The following CCSER1 variants were observed in gnomAD, a reference collection of about 807,000 sequenced individuals.
CCSER1 encodes serine-rich coiled-coil domain-containing protein 1.
In CCSER1, 41 loss-of-function variants were observed where a neutral mutation model predicts 82.0. The ratio of observed to expected loss-of-function variants is 0.50; its 90% confidence interval spans 0.39 to 0.65. The LOEUF (loss-of-function observed/expected upper bound fraction) is 0.65. Among genes scored for constraint, CCSER1 ranks in the 30% least tolerant of loss-of-function variants. The probability of loss-of-function intolerance (pLI) is 0.00; values close to 1 mark genes in which losing one functional copy is unlikely to be tolerated. For synonymous variants in CCSER1, 414 were observed against 383.9 expected (o/e 1.08, Z -0.92); for missense variants, 1,119 against 1,064.2 (o/e 1.05, Z -0.72).
At chr4:91,484,307 C>T (rs1447601136) in intron 10 of CCSER1, among the ~76,000 whole-genome samples, 1 of 152,146 alleles carries the variant, frequency 6.6e-6, no homozygotes, top group Non-Finnish European at 1.5e-5. Flanking sequence ...CACTTCTTTA[C>T]ATATTCCATG....
At chr4:90,990,152 A>G (rs529467152) in intron 9 of CCSER1, among the ~76,000 whole-genome samples, 35 of 152,034 alleles carry the variant, frequency 2.3e-4, no homozygotes, top group African/African-American at 8.2e-4. Context: ...GCAACTCTCA[A>G]CAATATAGTT....
At chr4:91,246,350 A>T (rs1308186670) in intron 10 of CCSER1, among the ~76,000 whole-genome samples, 1 of 152,204 alleles carries the variant, frequency 6.6e-6, no homozygotes, top group Non-Finnish European at 1.5e-5. Flanking sequence ...TTAGCCTCAA[A>T]TTGAGAAACG....
intron 6 of CCSER1, among the ~76,000 whole-genome samples, chr4:90,692,359 A>G (rs940040977): frequency 2.0e-5 from 3 of 151,912 alleles, no homozygotes; most frequent in Non-Finnish European, 2.9e-5. Context: ...AATTTTTGGC[A>G]TCTGCTTTAA....
At chr4:90,926,314 C>T (rs1561374511) in intron 9 of CCSER1, among the ~76,000 whole-genome samples, 1 of 151,888 alleles carries the variant, frequency 6.6e-6, no homozygotes, top group Non-Finnish European at 1.5e-5. Flanking sequence ...GTTTCTTATA[C>T]TCTTTTGTTT....
chr4:91,362,874 C>A (rs1017773726), intron 10 of CCSER1, among the ~76,000 whole-genome samples: 5 of 151,704 alleles, frequency 3.3e-5, no homozygotes, highest in Non-Finnish European at 7.4e-5. Flanking sequence ...TCTGCTCTAC[C>A]TCTTACTATT....
rs544575985 is a variant in CCSER1, at chr4:90,872,996, C to T, written c.2095-50374C>T. Among the ~76,000 whole-genome samples, 11 of 151,878 alleles carry T rather than the reference C, an allele frequency of 7.2e-5. No homozygotes were observed. In the East Asian group the frequency reaches 1.9e-3, roughly 27 times the overall value. On this transcript the variant is annotated intron_variant, in intron 8 of 10. Transcript: ENST00000509176. ...TTCTTTTCCCTTGCTGCTTTTAGGA[C>T]CTCTTTTAAAAAAATACTTGATTTG...
At chr4:90,263,532 A>G (rs966275634) in intron 1 of CCSER1, among the ~76,000 whole-genome samples, 1 of 152,150 alleles carries the variant, frequency 6.6e-6, no homozygotes, top group Non-Finnish European at 1.5e-5. Context: ...CCTCTGGTTA[A>G]CCAGAGTACT....
intron 10 of CCSER1, among the ~76,000 whole-genome samples, chr4:91,231,867 T>C (rs1241495972): frequency 1.3e-5 from 2 of 151,870 alleles, no homozygotes; most frequent in Admixed American, 6.6e-5. Flanking sequence ...GGTACTGAAC[T>C]GGACTTTATG....
intron 10 of CCSER1, among the ~76,000 whole-genome samples, chr4:91,282,911 AAAT>A (rs1164857933): frequency 2.6e-5 from 4 of 152,122 alleles, no homozygotes. Context: ...GCAAAAATGG[AAAT>A]AATAATAAAA....
chr4:90,272,472 A>G (rs982366983), intron 1 of CCSER1, among the ~76,000 whole-genome samples: 2 of 152,168 alleles, frequency 1.3e-5, no homozygotes, highest in African/African-American at 2.4e-5. Context: ...ATGTAAATTA[A>G]TACAACCACT....
intron 6 of CCSER1, among the ~76,000 whole-genome samples, chr4:90,715,956 C>T (rs1389839765): frequency 6.6e-6 from 1 of 151,430 alleles, no homozygotes; most frequent in East Asian, 1.9e-4. Context: ...TTATAATATA[C>T]CCATAAAATG....
chr4:90,839,146 C>G, intron 8 of CCSER1: 1 of 819,690 alleles, frequency 1.2e-6, no homozygotes, highest in African/African-American at 1.7e-5. Context: ...GTTTGCATTT[C>G]TTCTATATTG....
intron 6 of CCSER1, among the ~76,000 whole-genome samples, chr4:90,657,760 T>C (rs1729976246): frequency 6.6e-6 from 1 of 152,230 alleles, no homozygotes. Context: ...CATCTTGTCA[T>C]GTAATTTCTT....
At chr4:90,757,950 T>C (rs1304189867) in intron 7 of CCSER1, among the ~76,000 whole-genome samples, 7 of 140,542 alleles carry the variant, frequency 5.0e-5, no homozygotes, top group South Asian at 2.3e-4. Flanking sequence ...TTTTTTTTTT[T>C]CTTTTGAGAT....
intron 10 of CCSER1, among the ~76,000 whole-genome samples, chr4:91,187,360 T>G (rs1436153383): frequency 6.6e-6 from 1 of 152,202 alleles, no homozygotes; most frequent in Non-Finnish European, 1.5e-5. Context: ...AATCATAGGA[T>G]TTTAAGTCTG....
chr4:90,867,359 C>T (rs1284080654), intron 8 of CCSER1, among the ~76,000 whole-genome samples: 9 of 151,876 alleles, frequency 5.9e-5, no homozygotes, highest in East Asian at 5.8e-4. Context: ...AATATTTAAC[C>T]GCATTCAATT....
At position 90,932,966 on chromosome 4, in the gene CCSER1, GA is replaced by G. The variant is rs1329220366; in HGVS notation, c.2172+9522del. ...AGAAAGAAAGAAAGAAAGAAAGAAA[GA>G]AAGAAAGAAAGAAAGAGAAAGAAAG... On this transcript the variant is annotated intron_variant, in intron 9 of 10. Coordinates refer to ENST00000509176, the MANE Select transcript of CCSER1 (RefSeq NM_001145065.2). Among the ~76,000 whole-genome samples, 4 of 34,216 alleles carry G rather than the reference GA, an allele frequency of 1.2e-4. 2 individuals carry two copies. The highest frequency in any genetic ancestry group is 4.3e-4 in the African/African-American group (2 of 4,672). The allele number at this position is 34,216 out of a possible 152,430, so 22.4% of individuals were successfully genotyped here.
intron 10 of CCSER1, among the ~76,000 whole-genome samples, chr4:91,458,520 G>A (rs534252216): frequency 1.6e-4 from 24 of 152,046 alleles, no homozygotes; most frequent in African/African-American, 5.1e-4. Context: ...TTGTGGTTCC[G>A]CAGAAATTTT....
At chr4:90,263,722 G>T (rs900974422) in intron 1 of CCSER1, among the ~76,000 whole-genome samples, 2 of 152,102 alleles carry the variant, frequency 1.3e-5, no homozygotes, top group Non-Finnish European at 2.9e-5. Flanking sequence ...AGTAGTCTGG[G>T]GTAAGTATTC....
Sources: gnomAD v4.1 joint callset for allele counts (sites outside exome capture counted in the v4.1 genomes callset) on GRCh38, gnomAD v4.1.1 for gene constraint, MANE v1.5 for transcripts, NCBI Gene and HGNC (gene_info 2026-07-23, HGNC 2026-07-21) for gene names.